Variants in AFG2A observed in about 807,000 individuals in gnomAD.
AFG2A encodes the protein ATPase family gene 2 protein homolog A.
At chr4:123,091,383 A>G in the AFG2A span, among the ~76,000 whole-genome samples, 1 of 152,242 alleles carries the variant, frequency 6.6e-6, no homozygotes, top group Non-Finnish European at 1.5e-5. Context: ...AAACTATTTC[A>G]TAACTCTTCA....
At chr4:123,221,808 T>A in the AFG2A span, among the ~76,000 whole-genome samples, 3 of 151,902 alleles carry the variant, frequency 2.0e-5, no homozygotes, top group East Asian at 3.9e-4. Context: ...GTGCTTGTAA[T>A]CCCAGCTACT....
At chr4:123,302,663 C>T in the AFG2A span, among the ~76,000 whole-genome samples, 3 of 151,906 alleles carry the variant, frequency 2.0e-5, no homozygotes, top group African/African-American at 7.3e-5. Context: ...AGAGCAGGAC[C>T]AAGGCTGCAG....
the AFG2A span, among the ~76,000 whole-genome samples, chr4:123,161,480 A>C: frequency 2.0e-5 from 3 of 152,270 alleles, no homozygotes; most frequent in East Asian, 5.8e-4. Context: ...AGGAATAGGT[A>C]GTTATTCCAT....
the AFG2A span, among the ~76,000 whole-genome samples, chr4:123,160,584 A>G: frequency 1.3e-5 from 2 of 152,172 alleles, no homozygotes. Context: ...TATCACTGTG[A>G]ACAAGAAAAT....
the AFG2A span, among the ~76,000 whole-genome samples, chr4:122,976,464 C>G: frequency 8.5e-5 from 13 of 152,328 alleles, no homozygotes; most frequent in African/African-American, 3.1e-4. Flanking sequence ...ACTTTGTTGA[C>G]TATCTTCCTG....
At chr4:123,211,232 G>A in the AFG2A span, among the ~76,000 whole-genome samples, 1 of 152,124 alleles carries the variant, frequency 6.6e-6, no homozygotes, top group Non-Finnish European at 1.5e-5. Context: ...ATATGTAAAA[G>A]TTTGTTTGCA....
chr4:123,008,609 A>G, the AFG2A span, among the ~76,000 whole-genome samples: 22 of 152,218 alleles, frequency 1.4e-4, no homozygotes, highest in Non-Finnish European at 3.1e-4. Flanking sequence ...TCTGAATTTC[A>G]TGTACTCTTT....
the AFG2A span, among the ~76,000 whole-genome samples, chr4:123,272,119 C>T: frequency 6.6e-6 from 1 of 152,158 alleles, no homozygotes; most frequent in African/African-American, 2.4e-5. Flanking sequence ...TTTCATCACT[C>T]AGTCCTGATG....
the AFG2A span, among the ~76,000 whole-genome samples, chr4:122,973,275 C>T: frequency 1.3e-5 from 2 of 151,904 alleles, no homozygotes. Flanking sequence ...TTACTTTCAA[C>T]CTTTGTATAT....
At chr4:123,017,911 C>G in the AFG2A span, among the ~76,000 whole-genome samples, 2 of 152,204 alleles carry the variant, frequency 1.3e-5, no homozygotes, top group Non-Finnish European at 2.9e-5. Context: ...TGTATAAAAA[C>G]ATTGTCAGTG....
chr4:122,941,119 C>G, the AFG2A span, among the ~76,000 whole-genome samples: 50 of 149,494 alleles, frequency 3.3e-4, no homozygotes, highest in East Asian at 3.1e-3. Flanking sequence ...GATGCGGGCT[C>G]TTTTTTGGTT....
chr4:123,058,706 A>G, the AFG2A span, among the ~76,000 whole-genome samples: 2 of 150,840 alleles, frequency 1.3e-5, no homozygotes, highest in African/African-American at 4.9e-5. Context: ...AACCACCCCC[A>G]TGATTCAGTT....
the AFG2A span, among the ~76,000 whole-genome samples, chr4:123,023,532 T>G: frequency 6.6e-6 from 1 of 152,182 alleles, no homozygotes; most frequent in Non-Finnish European, 1.5e-5. Flanking sequence ...TTCTAACTCT[T>G]TCTTTGCCAT....
chr4:123,054,717 CA>C, the AFG2A span, among the ~76,000 whole-genome samples: 2 of 148,640 alleles, frequency 1.3e-5, no homozygotes, highest in African/African-American at 2.5e-5. Flanking sequence ...GACTTCATCT[CA>C]AAAAAAAAAT....
At chr4:123,102,108 T>C in the AFG2A span, 1 of 151,850 alleles carries the variant, frequency 6.6e-6, no homozygotes, top group South Asian at 2.1e-4. Context: ...ATTATCAATG[T>C]TATATAAAAG....
the AFG2A span, among the ~76,000 whole-genome samples, chr4:123,086,526 A>G: frequency 2.0e-5 from 3 of 152,236 alleles, no homozygotes; most frequent in African/African-American, 7.2e-5. Flanking sequence ...TATTCTGCTC[A>G]GTGTTCACTG....
At chr4:122,968,772 C>T in the AFG2A span, among the ~76,000 whole-genome samples, 3 of 152,122 alleles carry the variant, frequency 2.0e-5, no homozygotes, top group African/African-American at 4.8e-5. Context: ...ACCAATTTAC[C>T]TTTCTACCTG....
chr4:123,190,138 G>A, the AFG2A span, among the ~76,000 whole-genome samples: 1 of 152,036 alleles, frequency 6.6e-6, no homozygotes, highest in Non-Finnish European at 1.5e-5. Flanking sequence ...CTAAGTAATG[G>A]TCCTGGGAAC....
chr4:123,278,413 T>G, the AFG2A span, among the ~76,000 whole-genome samples: 1 of 152,284 alleles, frequency 6.6e-6, no homozygotes, highest in African/African-American at 2.4e-5. Context: ...ACTCCTGGAT[T>G]CATTGACCTT....
Sources: gnomAD v4.1 joint callset for allele counts (sites outside exome capture counted in the v4.1 genomes callset) on GRCh38, gnomAD v4.1.1 for gene constraint, MANE v1.5 for transcripts, NCBI Gene and HGNC (gene_info 2026-07-23, HGNC 2026-07-21) for gene names.